SGCG: variants seen among roughly 807,000 people sequenced by gnomAD.
The protein encoded by SGCG is gamma-sarcoglycan.
A neutral mutation model predicts 29.3 loss-of-function variants in SGCG; 26 were observed. The observed-to-expected ratio is 0.89, with a 90% CI of 0.65 to 1.23. The LOEUF is 1.23. Among genes scored for constraint, SGCG ranks in the 50% most tolerant of loss-of-function variants. The probability of loss-of-function intolerance (pLI) is 0.00; values close to 1 mark genes in which losing one functional copy is unlikely to be tolerated. For missense variants in SGCG, 353 were observed against 356.0 expected (o/e 0.99, Z 0.07); for synonymous variants, 145 against 129.7 (o/e 1.12, Z -0.80).
At chr13:23,240,691 T>G (rs1037402508) in intron 3 of SGCG, among the ~76,000 whole-genome samples, 2 of 124,960 alleles carry the variant, frequency 1.6e-5, no homozygotes, top group South Asian at 6.2e-4. Flanking sequence ...TAACTGGAAA[T>G]TATATAAAAA....
chr13:23,300,020 A>G (rs551088743), intron 6 of SGCG, among the ~76,000 whole-genome samples: 39 of 152,356 alleles, frequency 2.6e-4, no homozygotes, highest in African/African-American at 9.1e-4. Flanking sequence ...TATTGGAGGC[A>G]TAGGCAAATA....
the SGCG span, among the ~76,000 whole-genome samples, chr13:23,165,147 T>G: frequency 6.6e-6 from 1 of 152,214 alleles, no homozygotes; most frequent in African/African-American, 2.4e-5. Context: ...AGAAAAATTA[T>G]TATCAGCCTA....
chr13:23,180,388 A>G (rs1260113862), upstream of SGCG, among the ~76,000 whole-genome samples: 1 of 152,158 alleles, frequency 6.6e-6, no homozygotes, highest in African/African-American at 2.4e-5. Context: ...CATAATTTTA[A>G]CATGCAGAGT....
At chr13:23,211,193 T>A (rs1878191435) in intron 2 of SGCG, among the ~76,000 whole-genome samples, 1 of 152,142 alleles carries the variant, frequency 6.6e-6, no homozygotes, top group Non-Finnish European at 1.5e-5. Flanking sequence ...CTTGATATTG[T>A]GACATTCTTC....
intron 2 of SGCG, among the ~76,000 whole-genome samples, chr13:23,206,459 GT>G (rs1877984635): frequency 6.6e-6 from 1 of 152,036 alleles, no homozygotes; most frequent in Non-Finnish European, 1.5e-5. Flanking sequence ...TGTCCTCAAG[GT>G]TTATCCATGT....
chr13:23,175,164 G>A, the SGCG span, among the ~76,000 whole-genome samples: 1 of 152,222 alleles, frequency 6.6e-6, no homozygotes, highest in Non-Finnish European at 1.5e-5. Flanking sequence ...ATGAAAACCT[G>A]CGTGAACAAA....
intron 3 of SGCG, among the ~76,000 whole-genome samples, chr13:23,240,219 T>C (rs1879455130): frequency 6.6e-6 from 1 of 152,204 alleles, no homozygotes; most frequent in Non-Finnish European, 1.5e-5. Flanking sequence ...CAGATAAATA[T>C]TTTAGAGATA....
chr13:23,185,557 T>A (rs535687835), intron 1 of SGCG, among the ~76,000 whole-genome samples: 15 of 152,146 alleles, frequency 9.9e-5, no homozygotes, highest in Admixed American at 9.8e-4. Flanking sequence ...GGAAACAGAC[T>A]CCAAGCTGGA....
At chr13:23,228,877 A>G (rs890204639) in intron 2 of SGCG, among the ~76,000 whole-genome samples, 1 of 151,610 alleles carries the variant, frequency 6.6e-6, no homozygotes, top group Non-Finnish European at 1.5e-5. Context: ...CTGTTTCTTT[A>G]TTTGTTTGTT....
Position 23,199,161 on chromosome 13 carries a change from A to G in SGCG, c.1-4534A>G, listed in dbSNP as rs182734900. Among the ~76,000 whole-genome samples the G allele has an allele frequency of 3.2e-3, 488 of 152,308 alleles. 1 individual carries two copies. The highest frequency in any genetic ancestry group is 0.011 in the African/African-American group (459 of 41,582). Reference sequence around the variant, plus strand: ...CAACATACTTTGAAGGATGGTTAGCAGGAGAAATAATGTAATTTTTAATGA... The same window carrying G: ...CAACATACTTTGAAGGATGGTTAGCGGGAGAAATAATGTAATTTTTAATGA... On this transcript the variant is annotated intron_variant, in intron 1 of 7. Coordinates refer to ENST00000218867, the MANE Select transcript of SGCG (RefSeq NM_000231.3).
At chr13:23,178,027 GC>G (rs997598399), upstream of SGCG, among the ~76,000 whole-genome samples, 2 of 152,146 alleles carry the variant, frequency 1.3e-5, no homozygotes, top group African/African-American at 4.8e-5. Flanking sequence ...GATGAACAGG[GC>G]CCATCACTGA....
intron 1 of SGCG, among the ~76,000 whole-genome samples, chr13:23,185,015 T>G (rs1876914023): frequency 6.6e-6 from 1 of 152,200 alleles, no homozygotes; most frequent in African/African-American, 2.4e-5. Flanking sequence ...AACACCAGTA[T>G]GAGATTGTAG....
chr13:23,183,302 C>T (rs559197438), intron 1 of SGCG, among the ~76,000 whole-genome samples: 5 of 152,242 alleles, frequency 3.3e-5, no homozygotes, highest in East Asian at 1.9e-4. Flanking sequence ...CCCCACACTG[C>T]GGGGAAGTCA....
chr13:23,161,923 G>T, the SGCG span, among the ~76,000 whole-genome samples: 4 of 152,118 alleles, frequency 2.6e-5, no homozygotes, highest in Admixed American at 1.3e-4. Context: ...TTAACACCGT[G>T]GCCTCACATG....
intron 4 of SGCG, among the ~76,000 whole-genome samples, chr13:23,255,118 C>T (rs961037117): frequency 3.9e-5 from 6 of 152,212 alleles, no homozygotes; most frequent in Non-Finnish European, 8.8e-5. Context: ...AGCCACTGCC[C>T]TCCAGACCCC....
chr13:23,261,284 C>T (rs758442530), intron 4 of SGCG, among the ~76,000 whole-genome samples: 4 of 151,370 alleles, frequency 2.6e-5, no homozygotes, highest in Non-Finnish European at 5.9e-5. Context: ...AAAAAAAAAT[C>T]TCTAAAGAGA....
At position 23,225,642 on chromosome 13, in the gene SGCG, G is replaced by C. The variant is rs558392641; in HGVS notation, c.196-8969G>C. ...ACACAAGATCTTCCATGCTCACCTC[G>C]TCCTTTCCTTACTCCAGCCCTGGAA... is the stretch of plus-strand genomic sequence containing the variant. On this transcript the variant is annotated intron_variant, in intron 2 of 7. Coordinates refer to ENST00000218867, the MANE Select transcript of SGCG (RefSeq NM_000231.3). 5.9e-5 allele frequency among the ~76,000 whole-genome samples: 9 copies of C among 151,998 alleles called. No homozygotes were observed. In the East Asian group the frequency reaches 1.7e-3, roughly 29 times the overall value.
the SGCG span, among the ~76,000 whole-genome samples, chr13:23,162,413 G>C: frequency 6.6e-6 from 1 of 152,166 alleles, no homozygotes; most frequent in Non-Finnish European, 1.5e-5. Context: ...AGGAGATGGA[G>C]ACCATCCTGG....
chr13:23,315,362 T>C (rs1393286555), intron 6 of SGCG, among the ~76,000 whole-genome samples: 1 of 152,186 alleles, frequency 6.6e-6, no homozygotes, highest in Non-Finnish European at 1.5e-5. Flanking sequence ...ATGTGGTATA[T>C]ATGCGATCGT....
Sources: allele counts gnomAD v4.1 joint callset (sites outside exome capture counted in the v4.1 genomes callset), GRCh38; gene constraint gnomAD v4.1.1; transcripts MANE v1.5; gene names NCBI Gene and HGNC (gene_info 2026-07-23, HGNC 2026-07-21).